The following ARID1B variants were observed in gnomAD, a reference collection of about 807,000 sequenced individuals.
ARID1B encodes AT-rich interaction domain 1B.
In ARID1B, 30 loss-of-function variants were observed where a neutral mutation model predicts 212.3. The ratio of observed to expected loss-of-function variants is 0.14; its 90% CI spans 0.11 to 0.19. ARID1B has a LOEUF of 0.19. ARID1B is among the 10% of genes least tolerant of loss of function. The pLI, the probability that ARID1B is intolerant of heterozygous loss-of-function variation, is 1.00. For missense variants in ARID1B, 2,891 were observed against 3,204.0 expected (o/e 0.90, Z 2.36); for synonymous variants, 1,402 against 1,301.7 (o/e 1.08, Z -1.66).
At chr6:156,903,971 T>A (rs1311360847) in intron 3 of ARID1B, among the ~76,000 whole-genome samples, 3 of 152,178 alleles carry the variant, frequency 2.0e-5, no homozygotes, top group African/African-American at 7.2e-5. Flanking sequence ...TCTTCAATAT[T>A]TTTCATATGT....
intron 2 of ARID1B, among the ~76,000 whole-genome samples, chr6:156,842,898 C>G (rs1024614343): frequency 6.6e-6 from 1 of 151,688 alleles, no homozygotes; most frequent in Admixed American, 6.5e-5. Context: ...CAAGCTGATA[C>G]AAACTCTAAG....
intron 5 of ARID1B, among the ~76,000 whole-genome samples, chr6:157,102,324 T>C (rs1786100898): frequency 6.6e-6 from 1 of 152,158 alleles, no homozygotes; most frequent in Non-Finnish European, 1.5e-5. Context: ...TCCGAAAGAG[T>C]TGGAAAAATA....
chr6:157,069,053 G>A (rs1783854507), intron 4 of ARID1B, among the ~76,000 whole-genome samples: 1 of 152,068 alleles, frequency 6.6e-6, no homozygotes, highest in Non-Finnish European at 1.5e-5. Flanking sequence ...GTGAAATGTA[G>A]CGTCCCCCTA....
intron 4 of ARID1B, among the ~76,000 whole-genome samples, chr6:157,079,775 A>G (rs1259158539): frequency 3.3e-5 from 5 of 152,216 alleles, no homozygotes; most frequent in African/African-American, 1.2e-4. Flanking sequence ...ATGAACAATC[A>G]TATCCATTTT....
intron 2 of ARID1B, among the ~76,000 whole-genome samples, chr6:156,846,976 C>A (rs1482426090): frequency 6.6e-6 from 1 of 152,130 alleles, no homozygotes; most frequent in African/African-American, 2.4e-5. Context: ...TTTCTCCTTC[C>A]AAAATTTTTT....
At chr6:156,950,096 C>CA (rs1283786471) in intron 4 of ARID1B, among the ~76,000 whole-genome samples, 2 of 152,184 alleles carry the variant, frequency 1.3e-5, no homozygotes, top group African/African-American at 4.8e-5. Context: ...GCTTTATCCT[C>CA]AGAGTCGGTT....
intron 1 of ARID1B, among the ~76,000 whole-genome samples, chr6:156,827,802 G>C (rs535451928): frequency 3.5e-5 from 4 of 113,384 alleles, no homozygotes; most frequent in African/African-American, 1.3e-4. Flanking sequence ...GTCTAGCTCT[G>C]TCTCTCAGGC....
chr6:157,096,081 T>C (rs545312394), intron 5 of ARID1B, among the ~76,000 whole-genome samples: 2 of 152,278 alleles, frequency 1.3e-5, no homozygotes, highest in South Asian at 4.2e-4. Context: ...TCCATCCCAC[T>C]CTTCATGCAG....
chr6:156,942,260 A>C (rs543810479), intron 4 of ARID1B: 3 of 152,248 alleles, frequency 2.0e-5, no homozygotes, highest in Non-Finnish European at 4.4e-5. Flanking sequence ...AGGATGATCT[A>C]TAGTTGATAA....
intron 3 of ARID1B, among the ~76,000 whole-genome samples, chr6:156,925,871 C>G (rs1791177842): frequency 6.6e-6 from 1 of 152,144 alleles, no homozygotes; most frequent in Non-Finnish European, 1.5e-5. Context: ...TCTTTGAGCA[C>G]CATGAGCCTG....
At chr6:156,816,719 T>C (rs1011829758) in intron 1 of ARID1B, among the ~76,000 whole-genome samples, 1 of 152,158 alleles carries the variant, frequency 6.6e-6, no homozygotes, top group African/African-American at 2.4e-5. Context: ...TTTGGAGTTG[T>C]GTGCTCAGGC....
intron 4 of ARID1B, among the ~76,000 whole-genome samples, chr6:157,080,355 G>T (rs906918457): frequency 6.6e-6 from 1 of 152,132 alleles, no homozygotes; most frequent in East Asian, 1.9e-4. Flanking sequence ...TTATCCTTTG[G>T]TGAGCTAACT....
At chr6:156,811,795 T>G (rs1051543548) in intron 1 of ARID1B, among the ~76,000 whole-genome samples, 3 of 152,148 alleles carry the variant, frequency 2.0e-5, no homozygotes, top group African/African-American at 7.2e-5. Context: ...ATGTAGGAAT[T>G]TTGGTGGGGG....
intron 2 of ARID1B, among the ~76,000 whole-genome samples, chr6:156,887,583 G>C (rs909155072): frequency 1.3e-5 from 2 of 152,004 alleles, no homozygotes; most frequent in African/African-American, 4.8e-5. Context: ...GATGGGCTTG[G>C]CATTTTCTTC....
At chr6:156,847,042 T>C (rs915454604) in intron 2 of ARID1B, among the ~76,000 whole-genome samples, 1 of 152,256 alleles carries the variant, frequency 6.6e-6, no homozygotes, top group African/African-American at 2.4e-5. Flanking sequence ...CTTGTGGTAT[T>C]TGTTTTTATT....
At chr6:156,993,169 G>A (rs923185484) in intron 4 of ARID1B, among the ~76,000 whole-genome samples, 34 of 151,596 alleles carry the variant, frequency 2.2e-4, no homozygotes, top group African/African-American at 8.0e-4. Flanking sequence ...AGCCTCCTGA[G>A]TAGCTGGGAT....
chr6:156,790,733 A>AT (rs1018713920), intron 1 of ARID1B, among the ~76,000 whole-genome samples: 1 of 152,194 alleles, frequency 6.6e-6, no homozygotes, highest in African/African-American at 2.4e-5. Context: ...GGAAGGCGCC[A>AT]TGCATACAGG....
At chr6:157,019,427 G>C (rs767077416) in intron 4 of ARID1B, among the ~76,000 whole-genome samples, 15 of 152,202 alleles carry the variant, frequency 9.9e-5, no homozygotes, top group Non-Finnish European at 2.2e-4. Context: ...TGAAGAAGCT[G>C]AGGCCCAGAG....
intron 4 of ARID1B, among the ~76,000 whole-genome samples, chr6:156,953,368 C>T (rs56257344): frequency 5.9e-5 from 9 of 152,178 alleles, no homozygotes; most frequent in African/African-American, 2.2e-4. Flanking sequence ...GGTGGTTTTG[C>T]AAGTCCCTTG....
Sources: allele counts gnomAD v4.1 joint callset (sites outside exome capture counted in the v4.1 genomes callset), GRCh38; gene constraint gnomAD v4.1.1; transcripts MANE v1.5; gene names NCBI Gene and HGNC (gene_info 2026-07-23, HGNC 2026-07-21).